The following RALYL variants were observed in gnomAD, a reference collection of about 807,000 sequenced individuals.
The protein encoded by RALYL is RALY RNA binding protein like.
RALYL carries 29 observed loss-of-function variants against 35.1 expected under a neutral mutation model. The ratio of observed to expected loss-of-function variants is 0.83; its 90% confidence interval spans 0.61 to 1.13. The LOEUF is 1.13. Ranked by LOEUF, RALYL falls within the 50% of genes most tolerant of loss-of-function variation. RALYL has a pLI of 0.00. For missense variants in RALYL, 359 were observed against 360.4 expected (o/e 1.00, Z 0.03); for synonymous variants, 120 against 127.6 (o/e 0.94, Z 0.40).
At chr8:84,693,041 C>A (rs767892428) in intron 2 of RALYL, among the ~76,000 whole-genome samples, 54 of 152,004 alleles carry the variant, frequency 3.6e-4, no homozygotes, top group Admixed American at 9.9e-4. Context: ...GTCTAACTTC[C>A]AAGATCATCA....
chr8:84,235,985 T>G (rs2131500164), intron 1 of RALYL, among the ~76,000 whole-genome samples: 1 of 152,200 alleles, frequency 6.6e-6, no homozygotes, highest in East Asian at 1.9e-4. Flanking sequence ...CAGGATGGTC[T>G]TGATCTCCTG....
intron 4 of RALYL, among the ~76,000 whole-genome samples, chr8:84,835,622 G>A (rs577372710): frequency 2.8e-4 from 41 of 148,322 alleles, no homozygotes; most frequent in African/African-American, 1.0e-3. Flanking sequence ...GGCAGAGGTT[G>A]CGATGAGCCA....
At chr8:84,579,665 T>G (rs1003598841) in intron 2 of RALYL, among the ~76,000 whole-genome samples, 7 of 152,248 alleles carry the variant, frequency 4.6e-5, no homozygotes, top group Non-Finnish European at 8.8e-5. Flanking sequence ...AAAGTCATTA[T>G]TTTAGTTACT....
intron 4 of RALYL, among the ~76,000 whole-genome samples, chr8:84,814,726 T>A (rs995189554): frequency 5.9e-5 from 9 of 152,212 alleles, no homozygotes; most frequent in African/African-American, 2.2e-4. Context: ...AGGTCTCTGA[T>A]CTGCAACTAT....
intron 1 of RALYL, among the ~76,000 whole-genome samples, chr8:84,237,166 C>A (rs1826777676): frequency 6.6e-6 from 1 of 152,160 alleles, no homozygotes; most frequent in African/African-American, 2.4e-5. Context: ...ACCTACACAG[C>A]CAGTTCCAAA....
At position 84,513,108 on chromosome 8, in the gene RALYL, G is replaced by A. The variant is rs2057758779; in HGVS notation, c.-23-16191G>A. Among the ~76,000 whole-genome samples, 5 of 151,980 alleles carry A rather than the reference G, an allele frequency of 3.3e-5. No individual in the cohort carries two copies. The South Asian group carries it at 1.0e-3, about 32-fold the overall frequency. ...TATATTGTAACTGTAGATTGCTTTG[G>A]GTGGTATAATCATTTAAAAATTAAC... On this transcript the variant is annotated intron_variant, in intron 1 of 8. Coordinates refer to ENST00000521268, the MANE Select transcript of RALYL (RefSeq NM_173848.7).
At chr8:84,615,499 A>G (rs1819299125) in intron 2 of RALYL, among the ~76,000 whole-genome samples, 3 of 150,466 alleles carry the variant, frequency 2.0e-5, no homozygotes, top group Non-Finnish European at 4.4e-5. Flanking sequence ...AAATGTGATT[A>G]ATCAGTTTAA....
chr8:84,651,625 A>G (rs917224093), intron 2 of RALYL, among the ~76,000 whole-genome samples: 15 of 152,076 alleles, frequency 9.9e-5, no homozygotes, highest in Non-Finnish European at 2.2e-4. Flanking sequence ...TAAATATGTC[A>G]TTTGATATAC....
chr8:84,425,555 C>T (rs953288106), intron 1 of RALYL, among the ~76,000 whole-genome samples: 9 of 152,174 alleles, frequency 5.9e-5, no homozygotes, highest in African/African-American at 9.6e-5. Flanking sequence ...TGTTCCTATT[C>T]GGCCATCTTG....
chr8:84,339,071 T>G (rs889485355), intron 1 of RALYL, among the ~76,000 whole-genome samples: 4 of 152,082 alleles, frequency 2.6e-5, no homozygotes, highest in Admixed American at 6.6e-5. Flanking sequence ...ACGATGGGGT[T>G]AACTAGAGCT....
At chr8:84,382,355 T>C (rs1858196568) in intron 1 of RALYL, among the ~76,000 whole-genome samples, 1 of 151,702 alleles carries the variant, frequency 6.6e-6, no homozygotes, top group East Asian at 1.9e-4. Flanking sequence ...CTCAAATAAA[T>C]GTTCATCTTG....
At chr8:84,540,940 A>G (rs2059979796) in intron 2 of RALYL, among the ~76,000 whole-genome samples, 1 of 152,056 alleles carries the variant, frequency 6.6e-6, no homozygotes, top group Non-Finnish European at 1.5e-5. Context: ...CAAATATATT[A>G]GCATAAGATT....
At chr8:84,718,557 A>C (rs1476795050) in intron 2 of RALYL, among the ~76,000 whole-genome samples, 1 of 152,078 alleles carries the variant, frequency 6.6e-6, no homozygotes, top group East Asian at 1.9e-4. Flanking sequence ...TGAGGTCAGG[A>C]GTCCAAAACC....
chr8:84,451,175 A>C (rs2049431963), intron 1 of RALYL, among the ~76,000 whole-genome samples: 1 of 152,022 alleles, frequency 6.6e-6, no homozygotes, highest in Non-Finnish European at 1.5e-5. Context: ...ATCCTCTTGA[A>C]TTCACTTTTT....
chr8:84,265,112 G>T (rs1159669448), intron 1 of RALYL, among the ~76,000 whole-genome samples: 1 of 152,166 alleles, frequency 6.6e-6, no homozygotes, highest in Non-Finnish European at 1.5e-5. Context: ...TCTAGAGAAA[G>T]ATAATCTTTT....
intron 1 of RALYL, among the ~76,000 whole-genome samples, chr8:84,511,825 T>C (rs763544966): frequency 4.6e-5 from 7 of 152,168 alleles, no homozygotes; most frequent in Non-Finnish European, 7.4e-5. Flanking sequence ...TTTATTTCAC[T>C]TAACATAATG....
At chr8:84,429,422 C>T (rs1432042859) in intron 1 of RALYL, among the ~76,000 whole-genome samples, 1 of 151,948 alleles carries the variant, frequency 6.6e-6, no homozygotes, top group Non-Finnish European at 1.5e-5. Context: ...GAATGAAGTC[C>T]CAATGCATTT....
At chr8:84,802,536 G>C (rs865896516) in intron 3 of RALYL, among the ~76,000 whole-genome samples, 8 of 152,084 alleles carry the variant, frequency 5.3e-5, no homozygotes, top group African/African-American at 1.9e-4. Flanking sequence ...ACCACAGGGG[G>C]CAGTAGGACA....
intron 1 of RALYL, among the ~76,000 whole-genome samples, chr8:84,518,450 A>G (rs999834269): frequency 1.3e-5 from 2 of 152,202 alleles, no homozygotes; most frequent in African/African-American, 4.8e-5. Context: ...AGTATTTGCA[A>G]TAATGCATTG....
Sources: gnomAD v4.1 joint callset for allele counts (sites outside exome capture counted in the v4.1 genomes callset) on GRCh38, gnomAD v4.1.1 for gene constraint, MANE v1.5 for transcripts, NCBI Gene and HGNC (gene_info 2026-07-23, HGNC 2026-07-21) for gene names.